The following CRB1 variants were observed in gnomAD, a reference collection of about 807,000 sequenced individuals.
The protein encoded by CRB1 is crumbs cell polarity complex component 1, also known as protein crumbs homolog 1.
In CRB1, 83 loss-of-function variants were observed where a neutral mutation model predicts 120.0. That is an observed-to-expected ratio of 0.69 (90% CI 0.58 to 0.83). CRB1 has a LOEUF of 0.83. Ranked by LOEUF, CRB1 falls within the 40% of genes least tolerant of loss-of-function variation. The pLI is 0.00. For synonymous variants in CRB1, 625 were observed against 612.5 expected (o/e 1.02, Z -0.30); for missense variants, 1,699 against 1,687.6 (o/e 1.01, Z -0.12).
At chr1:197,416,532 C>A (rs1381827703) in intron 5 of CRB1, among the ~76,000 whole-genome samples, 1 of 152,086 alleles carries the variant, frequency 6.6e-6, no homozygotes, top group Admixed American at 6.5e-5. Context: ...CATAGAGTAG[C>A]TATTCTATAA....
intron 4 of CRB1, among the ~76,000 whole-genome samples, chr1:197,351,842 G>C (rs374978862): frequency 6.6e-6 from 1 of 152,162 alleles, no homozygotes; most frequent in East Asian, 1.9e-4. Context: ...TGCATGGATG[G>C]TAATTTTGCC....
the CRB1 span, among the ~76,000 whole-genome samples, chr1:197,260,853 C>T: frequency 2.6e-5 from 4 of 152,036 alleles, no homozygotes; most frequent in Admixed American, 2.0e-4. Context: ...TGCATGACCA[C>T]GCCCAACTAA....
chr1:197,240,340 G>T, the CRB1 span, among the ~76,000 whole-genome samples: 6 of 152,044 alleles, frequency 3.9e-5, no homozygotes, highest in Admixed American at 3.9e-4. Flanking sequence ...TCTACGTTAG[G>T]TATTTCTTCT....
intron 1 of CRB1, among the ~76,000 whole-genome samples, 170 bp from the exon 2 acceptor site, chr1:197,328,252 A>G (rs1156392661): frequency 6.6e-6 from 1 of 152,230 alleles, no homozygotes; most frequent in Non-Finnish European, 1.5e-5. Context: ...GAAAGTACAT[A>G]CAATGTGCTA....
the CRB1 span, among the ~76,000 whole-genome samples, chr1:197,261,298 C>T: frequency 3.3e-5 from 5 of 152,208 alleles, no homozygotes; most frequent in South Asian, 6.2e-4. Context: ...TTTGAACAAA[C>T]GGGTGTGTAA....
intron 5 of CRB1, among the ~76,000 whole-genome samples, chr1:197,382,868 A>C (rs1662026583): frequency 6.6e-6 from 1 of 152,176 alleles, no homozygotes; most frequent in Non-Finnish European, 1.5e-5. Context: ...AAAGGTACAC[A>C]CATAAAAACT....
In CRB1 at chr1:197,295,047, G is replaced by A. The variant is rs147014033; in HGVS notation, c.70+26565G>A. Among the ~76,000 whole-genome samples, 686 of 152,042 alleles carry A rather than the reference G, an allele frequency of 4.5e-3. 3 individuals carry two copies. The highest frequency in any genetic ancestry group is 0.022 in the East Asian group (114 of 5,150). Reference sequence around the variant, plus strand: ...TTGTGCACATGTACCCTAGAACTTAGAGTATAATAATAAAAGAAAAGACCT... The same window carrying A: ...TTGTGCACATGTACCCTAGAACTTAAAGTATAATAATAAAAGAAAAGACCT... On this transcript the variant is annotated intron_variant, in intron 1 of 11. Transcript: ENST00000367400.
chr1:197,417,774 T>C (rs1331316471), intron 5 of CRB1, among the ~76,000 whole-genome samples: 1 of 152,160 alleles, frequency 6.6e-6, no homozygotes, highest in African/African-American at 2.4e-5. Context: ...TTCCCCCTTT[T>C]TTTGCCACCA....
chr1:197,402,266 T>A (rs1443075353), intron 5 of CRB1, among the ~76,000 whole-genome samples: 1 of 152,172 alleles, frequency 6.6e-6, no homozygotes, highest in Admixed American at 6.5e-5. Context: ...CGTTCATGAG[T>A]TCTCATCATT....
intron 4 of CRB1, among the ~76,000 whole-genome samples, chr1:197,355,960 A>G (rs557554258): frequency 6.6e-6 from 1 of 152,246 alleles, no homozygotes; most frequent in South Asian, 2.1e-4. Context: ...ACCTCTCATA[A>G]TGATATTAAT....
At chr1:197,430,237 C>G (rs1664808713) in intron 8 of CRB1, among the ~76,000 whole-genome samples, 1 of 152,188 alleles carries the variant, frequency 6.6e-6, no homozygotes, top group African/African-American at 2.4e-5. Flanking sequence ...TATCCACCCA[C>G]TAACTATACT....
intron 11 of CRB1, among the ~76,000 whole-genome samples, chr1:197,459,494 G>T (rs1033125075): frequency 6.6e-6 from 1 of 152,074 alleles, no homozygotes; most frequent in Non-Finnish European, 1.5e-5. Flanking sequence ...TTCGTAAATG[G>T]TCTCTTCTCT....
At chr1:197,223,878 G>T in the CRB1 span, among the ~76,000 whole-genome samples, 3 of 152,070 alleles carry the variant, frequency 2.0e-5, no homozygotes, top group Non-Finnish European at 2.9e-5. Context: ...TTACATTTAT[G>T]TAAGAAGAAA....
intron 4 of CRB1, 63 bp from the exon 5 acceptor site, chr1:197,356,768 A>G: frequency 6.5e-7 from 1 of 1,548,376 alleles, no homozygotes; most frequent in African/African-American, 1.4e-5. Context: ...ACCTCCTTTT[A>G]GGCAAATGCT....
chr1:197,413,207 T>C (rs1663800712), intron 5 of CRB1, among the ~76,000 whole-genome samples: 1 of 152,214 alleles, frequency 6.6e-6, no homozygotes, highest in African/African-American at 2.4e-5. Flanking sequence ...AAGAATCACT[T>C]TTTTTGTTTG....
At chr1:197,259,485 A>G in the CRB1 span, among the ~76,000 whole-genome samples, 1 of 152,190 alleles carries the variant, frequency 6.6e-6, no homozygotes, top group South Asian at 2.1e-4. Flanking sequence ...CAATGAGAAC[A>G]CATGGACACA....
chr1:197,376,845 T>C (rs1661673323), intron 5 of CRB1, among the ~76,000 whole-genome samples: 1 of 152,182 alleles, frequency 6.6e-6, no homozygotes, highest in African/African-American at 2.4e-5. Context: ...TAACATATTC[T>C]TGGAAGCCCT....
chr1:197,401,119 A>G (rs980962675), intron 5 of CRB1, among the ~76,000 whole-genome samples: 1 of 152,092 alleles, frequency 6.6e-6, no homozygotes, highest in Admixed American at 6.5e-5. Flanking sequence ...GCTGTGTTTA[A>G]GCATATATAT....
intron 5 of CRB1, among the ~76,000 whole-genome samples, chr1:197,399,882 T>G (rs994993778): frequency 2.6e-5 from 4 of 152,202 alleles, no homozygotes; most frequent in Admixed American, 6.5e-5. Flanking sequence ...ACAGTCATTA[T>G]GAAACAGAGT....
Sources: gnomAD v4.1 joint callset for allele counts (sites outside exome capture counted in the v4.1 genomes callset) on GRCh38, gnomAD v4.1.1 for gene constraint, MANE v1.5 for transcripts, NCBI Gene and HGNC (gene_info 2026-07-23, HGNC 2026-07-21) for gene names.